Variants in PRDM8 observed in about 807,000 individuals in gnomAD.
PRDM8 encodes PR/SET domain 8, also known as PR domain zinc finger protein 8.
A neutral mutation model predicts 46.5 loss-of-function variants in PRDM8; 13 were observed. The ratio of observed to expected loss-of-function variants is 0.28; its 90% CI spans 0.18 to 0.44. The LOEUF (loss-of-function observed/expected upper bound fraction) is 0.44, where lower values mean the gene tolerates loss of function less well. Among genes scored for constraint, PRDM8 ranks in the 20% least tolerant of loss-of-function variants. PRDM8 has a pLI of 1.00. For synonymous variants in PRDM8, 473 were observed against 438.4 expected (o/e 1.08, Z -0.98); for missense variants, 998 against 955.0 (o/e 1.04, Z -0.59).
intron 1 of PRDM8, among the ~76,000 whole-genome samples, chr4:80,189,318 C>G (rs1737365567): frequency 6.6e-6 from 1 of 152,080 alleles, no homozygotes; most frequent in South Asian, 2.1e-4. Flanking sequence ...CTCTACCAGG[C>G]CTAAAGAAAG....
Position 80,202,682 on chromosome 4 carries a change from C to T in PRDM8, c.1220C>T (p.Ala407Val). ...CAGGAGGAGGGGACAGCCGACGGCG[C>T]GGGAGTCGCCTCCGAGGACCAGGAC... ...SLQEEGTADG[A>V]GVASEDQDAG... The change falls in exon 4 of 4, where the codon GCG becomes GTG. Residue 407 changes from alanine (A) to valine (V), a missense_variant. Ala to Val is a moderately conservative substitution (Grantham distance 64). Coordinates refer to ENST00000415738, the MANE Select transcript of PRDM8 (RefSeq NM_001099403.2). 3 of 1,408,460 alleles carry T rather than the reference C, an allele frequency of 2.1e-6. No individual in the cohort carries two copies. Among genetic ancestry groups the T allele is most frequent in the South Asian group, 1.5e-5 (1 of 65,230 alleles). 87.2% of individuals were successfully genotyped at this position (1,408,460 alleles called of 1,614,324 possible).
chr4:80,200,676 T>C (rs1560474609), intron 2 of PRDM8, among the ~76,000 whole-genome samples: 1 of 152,242 alleles, frequency 6.6e-6, no homozygotes, highest in African/African-American at 2.4e-5. Flanking sequence ...GCCTTCCATT[T>C]GAGGAGGCTT....
chr4:80,192,841 T>G (rs989926886), upstream of PRDM8, among the ~76,000 whole-genome samples: 5 of 152,148 alleles, frequency 3.3e-5, no homozygotes, highest in African/African-American at 1.2e-4. Context: ...TCACTTCGGT[T>G]TGCTAGCCCT....
intron 2 of PRDM8, among the ~76,000 whole-genome samples, chr4:80,192,463 TGCTG>T (rs962220427): frequency 6.6e-5 from 10 of 152,212 alleles, no homozygotes; most frequent in African/African-American, 2.4e-4. Context: ...CATTTGAGAC[TGCTG>T]GACACCAATT....
chr4:80,201,369 A>G lies in PRDM8; in HGVS notation c.299A>G (p.Glu100Gly), dbSNP rs1014775191. Residue 100 changes from glutamate to glycine, a missense_variant, in exon 3 of 4, where the codon GAG (glutamate) becomes GGG (glycine). Physicochemically the swap from Glu to Gly is moderately conservative, Grantham distance 98. Transcript: ENST00000415738. ...GTCCAATCGGCCAGAGATAAGGAAG[A>G]GCAGAACCTTGAAGCCTACATAAAA... ...RLVQSARDKEEQNLEAYIKNG... is the reference protein window; with the variant it reads ...RLVQSARDKEGQNLEAYIKNG... 6.2e-7 allele frequency: 1 copy of G among 1,614,212 alleles called. No homozygotes were observed. Among genetic ancestry groups the G allele is most frequent in the African/African-American group, 1.3e-5 (1 of 75,050 alleles).
chr4:80,201,930 A>G lies in PRDM8; in HGVS notation c.468A>G (p.Thr156=). The part of the protein sequence containing the change: ...HNKMNGSSPY[T]CLECSQRFQF... ...ACTAAGCAGGGTCGTCCCCTTACACATGCCTGGAATGCAGCCAACGTTTCC... is the reference window on the plus strand; with the variant it reads ...ACTAAGCAGGGTCGTCCCCTTACACGTGCCTGGAATGCAGCCAACGTTTCC... The change falls in exon 4 of 4, where the codon ACA becomes ACG. Residue 156 remains threonine, a synonymous_variant. Transcript: ENST00000415738. The G allele has an allele frequency of 6.2e-7, 1 of 1,613,938 alleles. No homozygotes were observed. The highest frequency in any genetic ancestry group is 1.1e-5 in the South Asian group (1 of 91,078).
chr4:80,188,659 C>T (rs1011671227), intron 1 of PRDM8, among the ~76,000 whole-genome samples: 1 of 152,230 alleles, frequency 6.6e-6, no homozygotes, highest in African/African-American at 2.4e-5. Flanking sequence ...GGAAGAGCAA[C>T]TGGGAACCCA....
chr4:80,194,586 A>T (rs994603118), upstream of PRDM8, among the ~76,000 whole-genome samples: 36 of 152,358 alleles, frequency 2.4e-4, no homozygotes, highest in African/African-American at 8.7e-4. Flanking sequence ...CAAAATGTGT[A>T]CCACTTAAAT....
In PRDM8 at chr4:80,201,533, C is replaced by T. The variant is rs531118103; in HGVS notation, c.451+12C>T. 6.2e-7 allele frequency: 1 copy of T among 1,610,084 alleles called. No homozygotes were observed. The highest frequency in any genetic ancestry group is 1.1e-5 in the South Asian group (1 of 90,982). On this transcript the variant is annotated intron_variant, in intron 3 of 3. Coordinates refer to ENST00000415738, the MANE Select transcript of PRDM8 (RefSeq NM_001099403.2). ...CAACAAAATGAATGGTAGGTTGGCT[C>T]GCGACCGGCGTGTGGGCCCTTAACT...
Position 80,202,981 on chromosome 4 carries a change from T to A in PRDM8, c.1519T>A (p.Ser507Thr). ...RKSAFSQPARSFSQLSPLVLG... is the reference protein window; with the variant it reads ...RKSAFSQPARTFSQLSPLVLG... ...AAGCGCCTTCTCGCAGCCAGCACGC[T>A]CTTTCTCGCAGCTGTCCCCGCTGGT... Residue 507 changes from serine to threonine, a missense_variant, in exon 4 of 4, where the codon TCT becomes ACT. By Grantham distance (58) the Ser-to-Thr change is moderately conservative. Transcript: ENST00000415738. The A allele has an allele frequency of 6.6e-7, 1 of 1,504,424 alleles. No homozygotes were observed. Among genetic ancestry groups the A allele is most frequent in the Non-Finnish European group, 8.8e-7 (1 of 1,135,150 alleles). 93.2% of individuals were successfully genotyped at this position (1,504,424 alleles called of 1,614,324 possible).
intron 1 of PRDM8, among the ~76,000 whole-genome samples, chr4:80,189,181 C>T (rs1022820673): frequency 6.6e-6 from 1 of 152,176 alleles, no homozygotes; most frequent in African/African-American, 2.4e-5. Context: ...GGCTTTTGGC[C>T]GCGGCGCTGG....
Position 80,200,283 on chromosome 4 carries a change from T to A in PRDM8, c.203T>A (p.Val68Glu). 6.2e-7 allele frequency: 1 copy of A among 1,613,272 alleles called. No individual in the cohort carries two copies. The highest frequency in any genetic ancestry group is 1.3e-5 in the African/African-American group (1 of 74,988). Residue 68 changes from valine to glutamate, a missense_variant, in exon 2 of 4, where the codon GTA becomes GAA. Physicochemically the swap from Val to Glu is moderately radical, Grantham distance 121. Coordinates refer to ENST00000415738, the MANE Select transcript of PRDM8 (RefSeq NM_001099403.2). Reference sequence around the variant, plus strand: ...CTCAAGTCTACTGACAAGAGAACAGTACCGTATATCTTTCGGGTAAGTCTC... The same window carrying A: ...CTCAAGTCTACTGACAAGAGAACAGAACCGTATATCTTTCGGGTAAGTCTC... ...IALKSTDKRT[V>E]PYIFRVDTSA...
At chr4:80,197,019 C>G (rs1187482646), upstream of PRDM8, 1 of 985,334 alleles carries the variant, frequency 1.0e-6, no homozygotes, top group Non-Finnish European at 1.2e-6. Flanking sequence ...TTTATCACCC[C>G]CAGGCAACTA....
At position 80,202,013 on chromosome 4, in the gene PRDM8, G is replaced by A; in HGVS notation, c.551G>A (p.Ser184Asn). ...TTCCGCTGCCCCAAGAGACTTCACA[G>A]CGCTGATATAAGTCCCCAAGACGAA... ...LRFRCPKRLH[S>N]ADISPQDEQG... The change falls in exon 4 of 4, where the codon AGC becomes AAC. Residue 184 changes from serine (S) to asparagine (N), a missense_variant. Physicochemically the swap from Ser to Asn is conservative, Grantham distance 46 (BLOSUM62 1). Coordinates refer to ENST00000415738, the MANE Select transcript of PRDM8 (RefSeq NM_001099403.2). 1 of 1,614,136 alleles carries A rather than the reference G, an allele frequency of 6.2e-7. No individual in the cohort carries two copies.
rs1287823085 is a variant in PRDM8, at chr4:80,203,133, A to G, written c.1671A>G (p.Gly557=). 5.8e-6 allele frequency: 9 copies of G among 1,560,574 alleles called. No homozygotes were observed. The highest frequency in any genetic ancestry group is 3.6e-4 in the Middle Eastern group (2 of 5,584). The change falls in exon 4 of 4, where the codon GGA becomes GGG. Residue 557 remains glycine, a synonymous_variant. Coordinates refer to ENST00000415738, the MANE Select transcript of PRDM8 (RefSeq NM_001099403.2). ...VKLQGAADLN[G]GCGSLPSGGG... Reference sequence around the variant, plus strand: ...TCCAGGGGGCCGCGGACCTGAACGGAGGTTGCGGGTCCCTGCCGAGCGGCG... The same window carrying G: ...TCCAGGGGGCCGCGGACCTGAACGGGGGTTGCGGGTCCCTGCCGAGCGGCG...
chr4:80,199,951 A>G (rs1738301017), intron 1 of PRDM8, 128 bp from the exon 2 acceptor site: 1 of 674,382 alleles, frequency 1.5e-6, no homozygotes, highest in East Asian at 2.7e-5. Context: ...TAATTTTGAA[A>G]TAAGAGCTAT....
At position 80,203,102 on chromosome 4, in the gene PRDM8, T is replaced by G. The variant is rs1288447083; in HGVS notation, c.1640T>G (p.Val547Gly). 3 of 1,571,282 alleles carry G rather than the reference T, an allele frequency of 1.9e-6. No homozygotes were observed. Among genetic ancestry groups the G allele is most frequent in the Non-Finnish European group, 2.6e-6 (3 of 1,167,662 alleles). The stretch of plus-strand genomic sequence containing the variant: ...CCCGCCGCCGCGGACCCTCTAGCGG[T>G]GAAGCTCCAGGGGGCCGCGGACCTG... ...LYPAAADPLA[V>G]KLQGAADLNG... is the part of the protein sequence containing the mutation. Residue 547 changes from valine (V) to glycine (G), a missense_variant, in exon 4 of 4, where the codon GTG becomes GGG. Transcript: ENST00000415738.
At chr4:80,196,397 G>C (rs1560470395), upstream of PRDM8, 2 of 985,458 alleles carry the variant, frequency 2.0e-6, no homozygotes, top group Middle Eastern at 5.2e-4. Flanking sequence ...ATTCCCCAGC[G>C]ACGTGGTGTT....
chr4:80,203,723 T>G lies in PRDM8; in HGVS notation c.*191T>G. On this transcript the variant is annotated 3_prime_UTR_variant, in exon 4 of 4. Coordinates refer to ENST00000415738, the MANE Select transcript of PRDM8 (RefSeq NM_001099403.2). The stretch of plus-strand genomic sequence containing the variant: ...CCTCCCAGGAACCTCATTCAAATAT[T>G]TACCCGGGACACACACCCCCCCCCA... 1 of 748,010 alleles carries G rather than the reference T, an allele frequency of 1.3e-6. No individual in the cohort carries two copies. Among genetic ancestry groups the G allele is most frequent in the Non-Finnish European group, 1.9e-6 (1 of 514,534 alleles). 46.3% of individuals were successfully genotyped at this position (748,010 alleles called of 1,614,324 possible).
Sources: allele counts gnomAD v4.1 joint callset (sites outside exome capture counted in the v4.1 genomes callset), GRCh38; gene constraint gnomAD v4.1.1; transcripts MANE v1.5; gene names NCBI Gene and HGNC (gene_info 2026-07-23, HGNC 2026-07-21).